The following CDC42BPA variants were observed in gnomAD, a reference collection of about 807,000 sequenced individuals.
CDC42BPA encodes serine/threonine-protein kinase MRCK alpha.
In CDC42BPA, 80 loss-of-function variants were observed where a neutral mutation model predicts 223.5. The ratio of observed to expected loss-of-function variants is 0.36; its 90% CI spans 0.30 to 0.43. The LOEUF (loss-of-function observed/expected upper bound fraction) is 0.43. Among genes scored for constraint, CDC42BPA ranks in the 20% least tolerant of loss-of-function variants. The probability of loss-of-function intolerance (pLI) is 1.00; values close to 1 mark genes in which losing one functional copy is unlikely to be tolerated. For missense variants in CDC42BPA, 1,743 were observed against 2,099.9 expected, an observed-to-expected ratio of 0.83 and a Z score of 3.32; for synonymous variants, 694 against 718.6, an observed-to-expected ratio of 0.97 and a Z score of 0.55.
At chr1:226,998,335 A>G (rs1662056281) in intron 35 of CDC42BPA, among the ~76,000 whole-genome samples, 1 of 152,254 alleles carries the variant, frequency 6.6e-6, no homozygotes. Context: ...CTGTATAGCC[A>G]AGACAATCCT....
At position 227,199,727 on chromosome 1, in the gene CDC42BPA, A is replaced by T; in HGVS notation, c.355-75T>A. ...AAATATACAAAGAATTACTATGTTTATTATATTATTTCTGTTCTGGAAAAG... is the reference window on the plus strand; with the variant it reads ...AAATATACAAAGAATTACTATGTTTTTTATATTATTTCTGTTCTGGAAAAG... On this transcript the variant is annotated intron_variant, in intron 3 of 36. Coordinates refer to ENST00000366766, the MANE Select transcript of CDC42BPA (RefSeq NM_001394014.1). 6.8e-6 allele frequency: 5 copies of T among 734,454 alleles called. No individual in the cohort carries two copies. The South Asian group carries it at 8.3e-5, about 12-fold the overall frequency. 45.5% of individuals were successfully genotyped at this position (734,454 alleles called of 1,614,324 possible). A position where few individuals can be genotyped will look rare whatever the true frequency, so the allele number is the denominator to read the frequency against.
At chr1:227,093,569 T>C (rs1215237098) in intron 15 of CDC42BPA, among the ~76,000 whole-genome samples, 1 of 152,178 alleles carries the variant, frequency 6.6e-6, no homozygotes, top group Non-Finnish European at 1.5e-5. Context: ...AACAATGCCA[T>C]ATTCTGGACA....
At position 227,213,260 on chromosome 1, in the gene CDC42BPA, AAAT is replaced by A. The variant is rs1674250570; in HGVS notation, c.271-44_271-42del. 2.7e-6 allele frequency: 3 copies of A among 1,092,742 alleles called. No individual in the cohort carries two copies. The South Asian group carries it at 4.4e-5, about 16-fold the overall frequency. 67.7% of individuals were successfully genotyped at this position (1,092,742 alleles called of 1,614,324 possible). On this transcript the variant is annotated intron_variant, in intron 2 of 36. Coordinates refer to ENST00000366766, the MANE Select transcript of CDC42BPA (RefSeq NM_001394014.1). ...GAAATATAAATTTTAAAATAATGAC[AAAT>A]AATTTTTTCAGCCATCCATTTTCCT...
chr1:227,028,204 C>T (rs1668626757), intron 30 of CDC42BPA, among the ~76,000 whole-genome samples: 2 of 151,958 alleles, frequency 1.3e-5, no homozygotes, highest in Admixed American at 1.3e-4. Context: ...AATATCTACC[C>T]ATCTAGATAA....
chr1:227,080,824 CT>C, intron 17 of CDC42BPA, 68 bp downstream of exon 17: 1 of 1,564,994 alleles, frequency 6.4e-7, no homozygotes. Flanking sequence ...TAGTAGCCAC[CT>C]GGAATTCATA....
At chr1:227,070,139 G>A (rs1156536262) in intron 20 of CDC42BPA, among the ~76,000 whole-genome samples, 1 of 151,610 alleles carries the variant, frequency 6.6e-6, no homozygotes, top group Non-Finnish European at 1.5e-5. Context: ...AAATCTTTTG[G>A]TAGGCTTGAG....
intron 1 of CDC42BPA, among the ~76,000 whole-genome samples, chr1:227,269,907 T>C (rs1001883608): frequency 1.3e-5 from 2 of 152,310 alleles, no homozygotes; most frequent in Admixed American, 1.3e-4. Flanking sequence ...GGAAGAAATA[T>C]TATATTGCAG....
chr1:227,300,727 C>T (rs1049280872), intron 1 of CDC42BPA, among the ~76,000 whole-genome samples: 70 of 152,282 alleles, frequency 4.6e-4, no homozygotes, highest in African/African-American at 1.5e-3. Context: ...GTAAAATGTA[C>T]AGTACTCAGG....
intron 5 of CDC42BPA, among the ~76,000 whole-genome samples, chr1:227,183,869 A>G (rs1668341091): frequency 1.3e-5 from 2 of 152,178 alleles, no homozygotes; most frequent in Admixed American, 1.3e-4. Context: ...AGTATTAGCT[A>G]CTTTTTATTT....
chr1:227,004,941 G>T, intron 35 of CDC42BPA, 53 bp downstream of exon 35: 1 of 1,175,622 alleles, frequency 8.5e-7, no homozygotes, highest in Non-Finnish European at 1.3e-6. Flanking sequence ...GGAGGGGAGG[G>T]AGCTGGGGGT....
chr1:227,010,809 T>C (rs1572225848), intron 34 of CDC42BPA: 2 of 982,750 alleles, frequency 2.0e-6, no homozygotes, highest in Admixed American at 6.8e-5. Context: ...CGGTGTTACT[T>C]ATTAAGCCAG....
At chr1:227,045,237 T>C (rs1353528383) in intron 23 of CDC42BPA, among the ~76,000 whole-genome samples, 1 of 152,242 alleles carries the variant, frequency 6.6e-6, no homozygotes, top group African/African-American at 2.4e-5. Context: ...TTTTCCCCCC[T>C]GCAACTCGAT....
In CDC42BPA at chr1:227,160,533, C is replaced by T. The variant is rs367840330; in HGVS notation, c.693+10G>A. Reference sequence around the variant, plus strand: ...GTGAACAAAATAATTTAGGATTTATCTTTATTTACCGTTCCATCTTCCATC... The same window carrying T: ...GTGAACAAAATAATTTAGGATTTATTTTTATTTACCGTTCCATCTTCCATC... On this transcript the variant is annotated intron_variant, in intron 6 of 36. Coordinates refer to ENST00000366766, the MANE Select transcript of CDC42BPA (RefSeq NM_001394014.1). 31 of 1,511,612 alleles carry T rather than the reference C, an allele frequency of 2.1e-5. No homozygotes were observed. Among genetic ancestry groups the T allele is most frequent in the African/African-American group, 2.7e-5 (2 of 72,918 alleles). 93.6% of individuals were successfully genotyped at this position (1,511,612 alleles called of 1,614,324 possible). A position where few individuals can be genotyped will look rare whatever the true frequency, so the allele number is the denominator to read the frequency against.
intron 2 of CDC42BPA, among the ~76,000 whole-genome samples, chr1:227,246,047 G>A (rs904333799): frequency 4.6e-5 from 7 of 152,122 alleles, no homozygotes; most frequent in African/African-American, 7.2e-5. Context: ...TTTCTGGACC[G>A]GCTCTGGGCC....
chr1:227,308,362 T>A (rs1410233670), intron 1 of CDC42BPA, among the ~76,000 whole-genome samples: 1 of 151,774 alleles, frequency 6.6e-6, no homozygotes, highest in East Asian at 1.9e-4. Flanking sequence ...AGAAAAAAAT[T>A]AGCCAGGCAT....
At chr1:227,237,260 C>T (rs1401481281) in intron 2 of CDC42BPA, among the ~76,000 whole-genome samples, 2 of 152,044 alleles carry the variant, frequency 1.3e-5, no homozygotes, top group African/African-American at 4.8e-5. Flanking sequence ...AAAGTTATTA[C>T]ATGGTATCTT....
In CDC42BPA at chr1:227,237,334, T is replaced by C. The variant is rs547266939; in HGVS notation, c.270+16730A>G. 4.6e-5 allele frequency among the ~76,000 whole-genome samples: 7 copies of C among 152,296 alleles called. No homozygotes were observed. The East Asian group carries it at 7.7e-4, about 17-fold the overall frequency. The stretch of plus-strand genomic sequence containing the variant: ...ACAAAAATAAAAAGGCTCCCACTTA[T>C]AAGTGTCACTCCCACTCCTGTCTAC... On this transcript the variant is annotated intron_variant, in intron 2 of 36. Coordinates refer to ENST00000366766, the MANE Select transcript of CDC42BPA (RefSeq NM_001394014.1).
chr1:227,112,834 A>T lies in CDC42BPA; in HGVS notation c.1727T>A (p.Met576Lys). ...KDAHCQRKLA[M>K]QEFMEINERL... Reference sequence around the variant, plus strand: ...CTCATTGATCTCCATGAATTCCTGCATGGCCAGTTTCCTCTGACAGTGTGC... The same window carrying T: ...CTCATTGATCTCCATGAATTCCTGCTTGGCCAGTTTCCTCTGACAGTGTGC... The change falls in exon 13 of 37, where the codon ATG becomes AAG. Residue 576 changes from methionine (M) to lysine (K), a missense_variant. By Grantham distance (95) the Met-to-Lys change is moderately conservative (BLOSUM62 -1). Around this residue, in one of 6 missense-constraint regions of CDC42BPA, gnomAD observed 464 missense variants for 488.0 expected, o/e 0.95. Coordinates refer to ENST00000366766, the MANE Select transcript of CDC42BPA (RefSeq NM_001394014.1). 6.2e-7 allele frequency: 1 copy of T among 1,614,068 alleles called. No homozygotes were observed. The highest frequency in any genetic ancestry group is 8.5e-7 in the Non-Finnish European group (1 of 1,179,978).
intron 8 of CDC42BPA, 68 bp downstream of exon 8, chr1:227,145,421 A>G (rs914481525): frequency 4.1e-5 from 59 of 1,429,646 alleles, no homozygotes; most frequent in Non-Finnish European, 5.4e-5. Context: ...TTATAAACCA[A>G]AAAATTACTA....
Sources: allele counts gnomAD v4.1 joint callset (sites outside exome capture counted in the v4.1 genomes callset), GRCh38; gene constraint gnomAD v4.1.1; regional missense constraint gnomAD v4.1.1; transcripts MANE v1.5; gene names NCBI Gene and HGNC (gene_info 2026-07-23, HGNC 2026-07-21).